Variants in HDAC9 observed in about 807,000 individuals in gnomAD.
HDAC9 encodes MEF-2 interacting transcription repressor (MITR) protein.
HDAC9 carries 41 observed loss-of-function variants against 139.4 expected under a neutral mutation model. The observed-to-expected ratio is 0.29, with a 90% CI of 0.23 to 0.38. The LOEUF is 0.38. HDAC9 is among the 10% of genes least tolerant of loss of function. The probability of loss-of-function intolerance (pLI) is 1.00; values close to 1 mark genes in which losing one functional copy is unlikely to be tolerated. For missense variants in HDAC9, 1,147 were observed against 1,297.0 expected (o/e 0.88, Z 1.78); for synonymous variants, 517 against 476.2 (o/e 1.09, Z -1.12).
At chr7:18,342,131 C>A (rs1463436833) in intron 1 of HDAC9, among the ~76,000 whole-genome samples, 1 of 151,714 alleles carries the variant, frequency 6.6e-6, no homozygotes, top group Admixed American at 6.6e-5. Flanking sequence ...AGGTCAGTAC[C>A]CTGCTGATTT....
intron 12 of HDAC9, among the ~76,000 whole-genome samples, chr7:18,704,885 T>C (rs1004741456): frequency 1.3e-5 from 2 of 152,292 alleles, no homozygotes; most frequent in African/African-American, 4.8e-5. Context: ...TAGTTAAAAA[T>C]GGTTTTCAGC....
At chr7:18,136,678 C>T (rs997901113) in intron 1 of HDAC9, among the ~76,000 whole-genome samples, 119 of 152,076 alleles carry the variant, frequency 7.8e-4, no homozygotes, top group Non-Finnish European at 7.1e-4. Flanking sequence ...TGTTTTGGTA[C>T]CAGTACCATG....
chr7:18,835,493 G>A lies in HDAC9; in HGVS notation c.2493G>A (p.Gln831=). 6.2e-7 allele frequency: 1 copy of A among 1,613,538 alleles called. No individual in the cohort carries two copies. ...DLDVHHGNGT[Q]QAFYADPSIL... Reference sequence around the variant, plus strand: ...ATGTTCACCATGGAAACGGTACCCAGCAGGCCTTTTATGCTGACCCCAGCA... The same window carrying A: ...ATGTTCACCATGGAAACGGTACCCAACAGGCCTTTTATGCTGACCCCAGCA... The change falls in exon 20 of 26, where the codon CAG becomes CAA. Residue 831 remains glutamine, a synonymous_variant. Transcript: ENST00000686413.
At chr7:18,117,349 G>C (rs1408337754) in intron 1 of HDAC9, among the ~76,000 whole-genome samples, 1 of 152,014 alleles carries the variant, frequency 6.6e-6, no homozygotes, top group Non-Finnish European at 1.5e-5. Context: ...AGCCAGGCGT[G>C]GTGGTGGGCG....
chr7:18,925,900 T>C (rs1804179541), intron 22 of HDAC9, among the ~76,000 whole-genome samples: 2 of 152,130 alleles, frequency 1.3e-5, no homozygotes, highest in African/African-American at 4.8e-5. Flanking sequence ...TTTCATGTTT[T>C]ACTTGCTCTT....
chr7:18,258,016 C>T (rs1392877103), intron 2 of HDAC9, among the ~76,000 whole-genome samples: 1 of 152,154 alleles, frequency 6.6e-6, no homozygotes, highest in Non-Finnish European at 1.5e-5. Context: ...ACCTTCAAGG[C>T]ACTGTTGAGA....
intron 23 of HDAC9, among the ~76,000 whole-genome samples, chr7:18,951,548 T>C (rs991826430): frequency 2.0e-5 from 3 of 151,952 alleles, no homozygotes; most frequent in Non-Finnish European, 4.4e-5. Context: ...CATTTGCATC[T>C]GCTTCATCTT....
At chr7:18,205,227 A>T (rs1035424973) in intron 2 of HDAC9, among the ~76,000 whole-genome samples, 2 of 152,020 alleles carry the variant, frequency 1.3e-5, no homozygotes, top group African/African-American at 4.8e-5. Context: ...ATTCTAACAT[A>T]TAATTAGATA....
chr7:18,814,412 G>A (rs1794414380), intron 17 of HDAC9, among the ~76,000 whole-genome samples: 1 of 152,082 alleles, frequency 6.6e-6, no homozygotes, highest in South Asian at 2.1e-4. Flanking sequence ...ATATCTGCTG[G>A]TTTATGTATA....
intron 13 of HDAC9, among the ~76,000 whole-genome samples, chr7:18,746,268 G>C (rs910787455): frequency 1.3e-5 from 2 of 152,076 alleles, no homozygotes; most frequent in African/African-American, 4.8e-5. Flanking sequence ...TGAAAAAAAT[G>C]TTAAACAGTT....
At chr7:18,569,129 G>A (rs1326563474) in intron 2 of HDAC9, among the ~76,000 whole-genome samples, 2 of 151,998 alleles carry the variant, frequency 1.3e-5, no homozygotes, top group African/African-American at 4.8e-5. Flanking sequence ...TCTGTTAGGG[G>A]CAGATAATAA....
chr7:18,953,351 A>G (rs182607560), intron 23 of HDAC9, among the ~76,000 whole-genome samples: 1 of 152,266 alleles, frequency 6.6e-6, no homozygotes, highest in Non-Finnish European at 1.5e-5. Flanking sequence ...CTGCTGCAAC[A>G]TGCCAAACTA....
intron 1 of HDAC9, among the ~76,000 whole-genome samples, chr7:18,308,463 C>T (rs768333253): frequency 6.6e-6 from 1 of 152,062 alleles, no homozygotes; most frequent in Non-Finnish European, 1.5e-5. Context: ...GTAAATATAC[C>T]ATACTCCCTT....
chr7:18,714,373 A>T (rs961002883), intron 12 of HDAC9, among the ~76,000 whole-genome samples: 1 of 152,190 alleles, frequency 6.6e-6, no homozygotes, highest in African/African-American at 2.4e-5. Context: ...TGGAATCTAA[A>T]GCTATTTGCT....
chr7:18,513,750 C>T (rs562862868), intron 2 of HDAC9, among the ~76,000 whole-genome samples: 20 of 152,228 alleles, frequency 1.3e-4, no homozygotes, highest in African/African-American at 4.3e-4. Context: ...CCTAGATTAC[C>T]GTTAGGTCCC....
At chr7:18,972,237 G>T (rs113148876) in intron 24 of HDAC9, among the ~76,000 whole-genome samples, 528 of 152,258 alleles carry the variant, frequency 3.5e-3, no homozygotes, top group African/African-American at 0.012. Flanking sequence ...AACTTTCATA[G>T]CATTAAGCCT....
chr7:18,921,835 C>T (rs1352627656), intron 22 of HDAC9, among the ~76,000 whole-genome samples: 3 of 151,982 alleles, frequency 2.0e-5, no homozygotes, highest in Admixed American at 6.6e-5. Context: ...ACCCAAATGT[C>T]CAACAATGAT....
chr7:18,685,589 G>T (rs1207705710), intron 12 of HDAC9, among the ~76,000 whole-genome samples: 2 of 151,854 alleles, frequency 1.3e-5, no homozygotes, highest in Non-Finnish European at 2.9e-5. Context: ...TTTCTTTTAT[G>T]TTCATATAAT....
intron 1 of HDAC9, among the ~76,000 whole-genome samples, chr7:18,365,770 G>A (rs911241899): frequency 2.0e-5 from 3 of 151,672 alleles, no homozygotes; most frequent in African/African-American, 7.3e-5. Context: ...CTATGCCTTT[G>A]GGCAAATTAT....
Sources: gnomAD v4.1 joint callset for allele counts (sites outside exome capture counted in the v4.1 genomes callset) on GRCh38, gnomAD v4.1.1 for gene constraint, MANE v1.5 for transcripts, NCBI Gene and HGNC (gene_info 2026-07-23, HGNC 2026-07-21) for gene names.